Variants in LYN observed in about 807,000 individuals in gnomAD.
LYN encodes the protein tyrosine-protein kinase Lyn.
Under a neutral mutation model 65.0 loss-of-function variants are expected in LYN, and 12 were observed. The observed-to-expected ratio is 0.18, with a 90% CI of 0.12 to 0.30. The LOEUF (loss-of-function observed/expected upper bound fraction) is 0.30, where lower values mean the gene tolerates loss of function less well. Ranked by LOEUF, LYN falls within the 10% of genes least tolerant of loss-of-function variation. LYN has a pLI of 1.00. For missense variants in LYN, 380 were observed against 623.2 expected, an observed-to-expected ratio of 0.61 and a Z score of 4.16; for synonymous variants, 222 against 221.2, an observed-to-expected ratio of 1.00 and a Z score of -0.03.
chr8:55,915,051 ATACT>A (rs1315549632), intron 1 of LYN, among the ~76,000 whole-genome samples: 9 of 152,206 alleles, frequency 5.9e-5, no homozygotes, highest in Non-Finnish European at 8.8e-5. Flanking sequence ...ACATTTTATA[ATACT>A]TACTGTATTA....
chr8:55,926,067 G>T (rs1806101478), intron 1 of LYN, among the ~76,000 whole-genome samples: 1 of 152,016 alleles, frequency 6.6e-6, no homozygotes, highest in Non-Finnish European at 1.5e-5. Context: ...CCATCCTTAA[G>T]AAATCTTTAT....
chr8:55,892,419 C>A (rs12678730), intron 1 of LYN, among the ~76,000 whole-genome samples: 4 of 151,996 alleles, frequency 2.6e-5, no homozygotes, highest in South Asian at 2.1e-4. Context: ...GACTCCATCT[C>A]AAAAAAATAA....
Position 55,879,931 on chromosome 8 carries a change from G to T in LYN, c.-178G>T, listed in dbSNP as rs541271233. The T allele has an allele frequency of 5.1e-3, 1,021 of 200,568 alleles. 10 individuals carry two copies. Among genetic ancestry groups the T allele is most frequent in the African/African-American group, 0.023 (970 of 41,932 alleles). 12.4% of individuals were successfully genotyped at this position (200,568 alleles called of 1,614,324 possible). On this transcript the variant is annotated 5_prime_UTR_variant, in exon 1 of 13. Coordinates refer to ENST00000519728, the MANE Select transcript of LYN (RefSeq NM_002350.4). ...CTGCAGCCTCCAGCCCGCGGCAAGC[G>T]GGGCGGCCGCGCCACCCCCGGCCCC...
intron 1 of LYN, among the ~76,000 whole-genome samples, chr8:55,921,963 C>T (rs946044081): frequency 8.5e-5 from 13 of 152,152 alleles, no homozygotes; most frequent in Admixed American, 3.3e-4. Flanking sequence ...TCCCTGCTCT[C>T]ATGGAGCTTA....
intron 8 of LYN, among the ~76,000 whole-genome samples, chr8:55,959,762 A>G (rs1315157720): frequency 1.3e-5 from 2 of 152,174 alleles, no homozygotes; most frequent in East Asian, 3.8e-4. Context: ...TGTCCATCAG[A>G]TGATGAATGG....
chr8:56,006,098 G>A lies in LYN; in HGVS notation c.1337-3810G>A, dbSNP rs1014588920. Among the ~76,000 whole-genome samples, 20 of 152,092 alleles carry A rather than the reference G, an allele frequency of 1.3e-4. No individual in the cohort carries two copies. The South Asian group carries it at 2.5e-3, about 19-fold the overall frequency. On this transcript the variant is annotated intron_variant, in intron 12 of 12. Coordinates refer to ENST00000519728, the MANE Select transcript of LYN (RefSeq NM_002350.4). ...GACCCTGTCTCAAAAAAAAGGTGGG[G>A]GTGTCTTGTTGGGGTCCTGGTTGGG...
intron 1 of LYN, among the ~76,000 whole-genome samples, chr8:55,912,756 A>G (rs1449879520): frequency 1.3e-5 from 2 of 151,550 alleles, no homozygotes; most frequent in Non-Finnish European, 2.9e-5. Flanking sequence ...AACAAAACAG[A>G]GAAGAAATTC....
At chr8:55,974,683 G>T (rs1807704040) in intron 10 of LYN, among the ~76,000 whole-genome samples, 1 of 152,146 alleles carries the variant, frequency 6.6e-6, no homozygotes, top group South Asian at 2.1e-4. Context: ...TCCAAAGTGG[G>T]TCTCTTCTTC....
chr8:55,908,104 G>A (rs1215341208), intron 1 of LYN, among the ~76,000 whole-genome samples: 6 of 152,006 alleles, frequency 3.9e-5, no homozygotes, highest in Non-Finnish European at 7.4e-5. Context: ...CACACTGCTC[G>A]TTAGCCATAC....
intron 10 of LYN, among the ~76,000 whole-genome samples, chr8:55,970,454 T>C (rs988341426): frequency 2.0e-5 from 3 of 152,184 alleles, no homozygotes; most frequent in Non-Finnish European, 4.4e-5. Flanking sequence ...GCTGCTGGCT[T>C]TTACTAGTTT....
At position 55,887,702 on chromosome 8, in the gene LYN, C is replaced by T. The variant is rs185262875; in HGVS notation, c.-6+7599C>T. On this transcript the variant is annotated intron_variant, in intron 1 of 12. Coordinates refer to ENST00000519728, the MANE Select transcript of LYN (RefSeq NM_002350.4). The stretch of plus-strand genomic sequence containing the variant: ...TCGGCTCACTGCAACCTCCACCTCC[C>T]GGGTTCAAGTGATTCCTGTGCTTCA... 6.5e-3 allele frequency among the ~76,000 whole-genome samples: 967 copies of T among 148,422 alleles called. 18 individuals carry two copies. The highest frequency in any genetic ancestry group is 5.9e-3 in the Non-Finnish European group (396 of 66,746).
At chr8:55,922,149 A>G (rs1215144670) in intron 1 of LYN, among the ~76,000 whole-genome samples, 1 of 152,212 alleles carries the variant, frequency 6.6e-6, no homozygotes, top group African/African-American at 2.4e-5. Context: ...GTGCAGTGGC[A>G]TAAACACAGC....
chr8:55,928,251 TTC>T (rs1240997001), intron 1 of LYN, among the ~76,000 whole-genome samples: 7 of 152,194 alleles, frequency 4.6e-5, no homozygotes, highest in African/African-American at 1.2e-4. Flanking sequence ...GTTCAAGTGA[TTC>T]TCATGCTTCA....
chr8:55,913,424 T>C (rs994134945), intron 1 of LYN, among the ~76,000 whole-genome samples: 6 of 152,178 alleles, frequency 3.9e-5, no homozygotes, highest in Non-Finnish European at 7.3e-5. Flanking sequence ...AGAATCTATA[T>C]TTTTAACAAA....
chr8:55,905,970 C>G (rs1053988607), intron 1 of LYN, among the ~76,000 whole-genome samples: 2 of 152,190 alleles, frequency 1.3e-5, no homozygotes, highest in Non-Finnish European at 2.9e-5. Flanking sequence ...TCAGAAACCA[C>G]CAAGTGCAGC....
intron 12 of LYN, among the ~76,000 whole-genome samples, chr8:56,001,866 T>G (rs900515574): frequency 2.0e-5 from 3 of 152,178 alleles, no homozygotes; most frequent in Non-Finnish European, 4.4e-5. Flanking sequence ...AGAAGGTGAT[T>G]GGGCCCCTCG....
chr8:55,936,895 AG>A (rs1806452157), intron 1 of LYN, among the ~76,000 whole-genome samples: 1 of 152,216 alleles, frequency 6.6e-6, no homozygotes, highest in Non-Finnish European at 1.5e-5. Flanking sequence ...TACCTAGCAC[AG>A]GTTCATCTCT....
At chr8:55,999,709 C>T (rs112725195) in intron 12 of LYN, among the ~76,000 whole-genome samples, 160 bp downstream of exon 12, 4,172 of 152,268 alleles carry the variant, frequency 0.027, 182 homozygotes, top group African/African-American at 0.093. Context: ...TGGTGGCTCA[C>T]GCCTGTAATC....
In LYN at chr8:55,908,989, G is replaced by GTGTATA. The variant is rs1379592685; in HGVS notation, c.-6+28887_-6+28888insGTATAT. Among the ~76,000 whole-genome samples the GTGTATA allele has an allele frequency of 8.3e-3, 169 of 20,296 alleles. 17 individuals carry two copies. The highest frequency in any genetic ancestry group is 0.03 in the East Asian group (8 of 270). The allele number at this position is 20,296 out of a possible 152,430, so 13.3% of individuals were successfully genotyped here. A position where few individuals can be genotyped will look rare whatever the true frequency, so the allele number is the denominator to read the frequency against. ...GGCTGAATGGTATTCCATTGTGTAT[G>GTGTATA]TATATATATATATATATATATACAC... On this transcript the variant is annotated intron_variant, in intron 1 of 12. Coordinates refer to ENST00000519728, the MANE Select transcript of LYN (RefSeq NM_002350.4).
Sources: allele counts gnomAD v4.1 joint callset (sites outside exome capture counted in the v4.1 genomes callset), GRCh38; gene constraint gnomAD v4.1.1; transcripts MANE v1.5; gene names NCBI Gene and HGNC (gene_info 2026-07-23, HGNC 2026-07-21).